Variants in FTO observed in about 807,000 individuals in gnomAD.
FTO encodes FTO alpha-ketoglutarate dependent dioxygenase, also known as alpha-ketoglutarate-dependent dioxygenase FTO.
In FTO, 47 loss-of-function variants were observed where a neutral mutation model predicts 63.9. That is an observed-to-expected ratio of 0.74 (90% CI 0.58 to 0.94). The LOEUF (loss-of-function observed/expected upper bound fraction) is 0.94. Ranked by LOEUF, FTO falls within the 40% of genes least tolerant of loss-of-function variation. The pLI is 0.00. For missense variants in FTO, 562 were observed against 618.1 expected (o/e 0.91, Z 0.96); for synonymous variants, 207 against 224.4 (o/e 0.92, Z 0.69).
At chr16:53,714,405 T>G (rs1409786323) in intron 1 of FTO, among the ~76,000 whole-genome samples, 3 of 152,210 alleles carry the variant, frequency 2.0e-5, no homozygotes, top group African/African-American at 7.2e-5. Flanking sequence ...TGCATTAATA[T>G]GGATTTTCTA....
At position 54,015,822 on chromosome 16, in the gene FTO, G is replaced by C. The variant is rs116457535; in HGVS notation, c.1364+81713G>C. Among the ~76,000 whole-genome samples, 380 of 152,306 alleles carry C rather than the reference G, an allele frequency of 2.5e-3. 4 individuals carry two copies. The highest frequency in any genetic ancestry group is 8.9e-3 in the African/African-American group (369 of 41,566). Reference sequence around the variant, plus strand: ...TGAGACTTCATACAGTGACTTACAAGTTCGGACAGCCTCCAGCAAACACAG... The same window carrying C: ...TGAGACTTCATACAGTGACTTACAACTTCGGACAGCCTCCAGCAAACACAG... On this transcript the variant is annotated intron_variant, in intron 8 of 8. Coordinates refer to ENST00000471389, the MANE Select transcript of FTO (RefSeq NM_001080432.3).
intron 8 of FTO, among the ~76,000 whole-genome samples, chr16:53,951,334 G>A (rs1019194558): frequency 1.3e-5 from 2 of 152,154 alleles, no homozygotes; most frequent in Non-Finnish European, 2.9e-5. Flanking sequence ...ACCTGAATGT[G>A]TACTAAGCCA....
chr16:53,858,414 T>A (rs1444190731), intron 4 of FTO, among the ~76,000 whole-genome samples: 1 of 152,192 alleles, frequency 6.6e-6, no homozygotes, highest in Non-Finnish European at 1.5e-5. Context: ...TAAACAGTGA[T>A]CAGTGAAATT....
At chr16:53,708,136 AT>A (rs1376637889) in intron 1 of FTO, among the ~76,000 whole-genome samples, 9 of 152,310 alleles carry the variant, frequency 5.9e-5, no homozygotes, top group African/African-American at 2.2e-4. Context: ...AGGCAGGTGG[AT>A]CACCTGAGGT....
chr16:54,060,689 C>T (rs1359617852), intron 8 of FTO, among the ~76,000 whole-genome samples: 1 of 152,128 alleles, frequency 6.6e-6, no homozygotes, highest in Non-Finnish European at 1.5e-5. Flanking sequence ...TAAATCAGAT[C>T]GGCTCATTTG....
At chr16:53,892,978 C>T (rs574621688) in intron 7 of FTO, among the ~76,000 whole-genome samples, 19 of 152,328 alleles carry the variant, frequency 1.2e-4, no homozygotes, top group African/African-American at 4.6e-4. Context: ...CCATCCTCCA[C>T]TTCCCATTTC....
chr16:54,048,393 T>C (rs1408812620), intron 8 of FTO, among the ~76,000 whole-genome samples: 2 of 151,990 alleles, frequency 1.3e-5, no homozygotes, highest in African/African-American at 2.4e-5. Flanking sequence ...GCTGTAATCA[T>C]GTGCTCAGTG....
intron 8 of FTO, among the ~76,000 whole-genome samples, chr16:53,990,426 G>A (rs1029879059): frequency 6.6e-6 from 1 of 152,092 alleles, no homozygotes; most frequent in Non-Finnish European, 1.5e-5. Flanking sequence ...CCAGGCTCCT[G>A]CCTTGTGGTG....
At chr16:53,896,753 C>T (rs908036871) in intron 7 of FTO, among the ~76,000 whole-genome samples, 8 of 152,196 alleles carry the variant, frequency 5.3e-5, no homozygotes, top group African/African-American at 1.9e-4. Flanking sequence ...TCCTTATTGA[C>T]AGCATCCCTT....
intron 8 of FTO, among the ~76,000 whole-genome samples, chr16:54,097,421 A>G (rs1284385440): frequency 6.6e-6 from 1 of 151,902 alleles, no homozygotes; most frequent in Non-Finnish European, 1.5e-5. Context: ...GCTCACTGCA[A>G]CCTCGACCTT....
At chr16:53,833,588 T>C (rs1317416320) in intron 3 of FTO, among the ~76,000 whole-genome samples, 1 of 152,246 alleles carries the variant, frequency 6.6e-6, no homozygotes, top group Non-Finnish European at 1.5e-5. Context: ...CTTTTGTGTA[T>C]GTACTTTTGC....
At chr16:54,056,801 T>A (rs2144361463) in intron 8 of FTO, among the ~76,000 whole-genome samples, 1 of 152,346 alleles carries the variant, frequency 6.6e-6, no homozygotes, top group East Asian at 1.9e-4. Context: ...CCCAAATTCC[T>A]GACCCACAGA....
intron 3 of FTO, among the ~76,000 whole-genome samples, chr16:53,829,556 A>T (rs2079091861): frequency 6.6e-6 from 1 of 152,270 alleles, no homozygotes; most frequent in East Asian, 1.9e-4. Flanking sequence ...GAACTATGGC[A>T]AAGGTGGACT....
chr16:53,704,039 G>T (rs1971783806), upstream of FTO: 2 of 871,594 alleles, frequency 2.3e-6, no homozygotes, highest in South Asian at 1.4e-5. Context: ...TCGCCGCGGT[G>T]CATCCTGGGA....
intron 4 of FTO, among the ~76,000 whole-genome samples, chr16:53,856,469 A>C (rs2080000346): frequency 6.6e-6 from 1 of 151,978 alleles, no homozygotes; most frequent in Non-Finnish European, 1.5e-5. Flanking sequence ...CCTAAATATA[A>C]TTTTCTATGG....
At chr16:54,048,775 C>T (rs1176007841) in intron 8 of FTO, among the ~76,000 whole-genome samples, 4 of 152,136 alleles carry the variant, frequency 2.6e-5, no homozygotes, top group African/African-American at 7.2e-5. Flanking sequence ...TTCAAGCCTC[C>T]GAGTTGACAT....
At chr16:53,878,756 T>A (rs1338652036) in intron 5 of FTO, among the ~76,000 whole-genome samples, 1 of 152,202 alleles carries the variant, frequency 6.6e-6, no homozygotes, top group Non-Finnish European at 1.5e-5. Flanking sequence ...CAACATATGA[T>A]CATTTATAAA....
At chr16:54,095,305 G>A (rs2086491963) in intron 8 of FTO, among the ~76,000 whole-genome samples, 1 of 152,134 alleles carries the variant, frequency 6.6e-6, no homozygotes, top group African/African-American at 2.4e-5. Context: ...CTCCCAAAGT[G>A]TTGGGATTAC....
At chr16:53,878,411 T>A (rs1221820081) in intron 5 of FTO, among the ~76,000 whole-genome samples, 1 of 152,164 alleles carries the variant, frequency 6.6e-6, no homozygotes, top group Non-Finnish European at 1.5e-5. Context: ...CTGCCTGCCC[T>A]TATGCACCCA....
Sources: gnomAD v4.1 joint callset for allele counts (sites outside exome capture counted in the v4.1 genomes callset) on GRCh38, gnomAD v4.1.1 for gene constraint, MANE v1.5 for transcripts, NCBI Gene and HGNC (gene_info 2026-07-23, HGNC 2026-07-21) for gene names.